The following SEC14L5 variants were observed in gnomAD, a reference collection of about 807,000 sequenced individuals.
SEC14L5 encodes the protein SEC14 like lipid binding 5.
Under a neutral mutation model 84.6 loss-of-function variants are expected in SEC14L5, and 96 were observed. That is an observed-to-expected ratio of 1.13 (90% CI 0.96 to 1.34). SEC14L5 has a LOEUF of 1.34. SEC14L5 is among the 40% of genes most tolerant of loss of function. SEC14L5 has a pLI of 0.00. For missense variants in SEC14L5, 1,224 were observed against 942.5 expected, an observed-to-expected ratio of 1.30 and a Z score of -3.91; for synonymous variants, 546 against 383.4, an observed-to-expected ratio of 1.42 and a Z score of -4.95.
chr16:4,981,282 T>G (rs1336894307), intron 2 of SEC14L5, among the ~76,000 whole-genome samples: 4 of 122,928 alleles, frequency 3.3e-5, no homozygotes, highest in African/African-American at 1.3e-4. Context: ...TTTTTTTTTT[T>G]TGTATTTTTA....
intron 10 of SEC14L5, among the ~76,000 whole-genome samples, chr16:5,002,388 C>T (rs574607242): frequency 1.3e-5 from 2 of 151,528 alleles, no homozygotes; most frequent in African/African-American, 4.8e-5. Context: ...CCTCCACCTC[C>T]TGGGTTCAAG....
intron 2 of SEC14L5, among the ~76,000 whole-genome samples, chr16:4,982,911 T>C (rs1452304337): frequency 6.6e-6 from 1 of 152,170 alleles, no homozygotes; most frequent in African/African-American, 2.4e-5. Context: ...AGCACATTAC[T>C]GAATATTTAC....
intron 2 of SEC14L5, among the ~76,000 whole-genome samples, chr16:4,968,304 C>T (rs915310828): frequency 3.3e-5 from 5 of 151,536 alleles, no homozygotes; most frequent in Non-Finnish European, 5.9e-5. Context: ...CTCAGCCTCC[C>T]GAGTAGCTGG....
intron 8 of SEC14L5, among the ~76,000 whole-genome samples, chr16:4,999,278 G>C (rs962077952): frequency 1.3e-5 from 2 of 152,122 alleles, no homozygotes; most frequent in Admixed American, 6.5e-5. Flanking sequence ...GTTCAATGCT[G>C]ACAGATCAGC....
In SEC14L5 at chr16:4,996,420, T is replaced by C. The variant is rs760061123; in HGVS notation, c.740T>C (p.Ile247Thr). Residue 247 changes from isoleucine to threonine, a missense_variant, in exon 7 of 16, where the codon ATC becomes ACC. Ile to Thr is a moderately conservative substitution (Grantham distance 89). Transcript: ENST00000251170. ...HLTPMQESCL[I>T]QLRHWLQETH... is the part of the protein sequence containing the mutation. ...ACGCCCATGCAGGAGAGCTGCCTGA[T>C]CCAGCTTCGGCACTGGTTACAGGAG... The C allele has an allele frequency of 3.0e-5, 47 of 1,573,844 alleles. No individual in the cohort carries two copies. The highest frequency in any genetic ancestry group is 3.9e-5 in the Non-Finnish European group (45 of 1,160,564).
rs1476937 is a variant in SEC14L5, at chr16:4,989,310, G to T, written c.345+1030G>T. Among the ~76,000 whole-genome samples the T allele has an allele frequency of 7.4e-3, 1,013 of 136,826 alleles. 11 individuals are homozygous for T. Among genetic ancestry groups the T allele is most frequent in the African/African-American group, 0.021 (774 of 37,524 alleles). 89.8% of individuals were successfully genotyped at this position (136,826 alleles called of 152,430 possible). Reference sequence around the variant, plus strand: ...GACCATTGTACGTGTTTTTTTTTTTGTTTGTTTGTTTGTTTTGTTTTTTTT... The same window carrying T: ...GACCATTGTACGTGTTTTTTTTTTTTTTTGTTTGTTTGTTTTGTTTTTTTT... On this transcript the variant is annotated intron_variant, in intron 4 of 15. Transcript: ENST00000251170.
chr16:5,001,296 T>C (rs984174066), intron 10 of SEC14L5, among the ~76,000 whole-genome samples: 1 of 150,866 alleles, frequency 6.6e-6, no homozygotes, highest in South Asian at 2.1e-4. Flanking sequence ...TCTCGCTCTG[T>C]CGCCCAGGCT....
intron 4 of SEC14L5, among the ~76,000 whole-genome samples, chr16:4,989,958 A>C (rs745918616): frequency 1.3e-5 from 2 of 152,140 alleles, no homozygotes; most frequent in Non-Finnish European, 2.9e-5. Context: ...GGATCCATAA[A>C]GGAGCTCTGC....
rs1000150945 is a variant in SEC14L5 at position 4,992,467 on chromosome 16, G to A, written c.667+437G>A. 2.6e-5 allele frequency among the ~76,000 whole-genome samples: 4 copies of A among 152,228 alleles called. No homozygotes were observed. In the East Asian group the frequency reaches 7.7e-4, roughly 29 times the overall value. The stretch of plus-strand genomic sequence containing the variant: ...GGGTTTCACCATGTTGGTCAGGCTG[G>A]TCTCAAACTCCTGAGCTCAAGTGAT... On this transcript the variant is annotated intron_variant, in intron 6 of 15. Transcript: ENST00000251170.
chr16:5,012,490 A>G (rs1955816856), intron 15 of SEC14L5, among the ~76,000 whole-genome samples: 1 of 152,186 alleles, frequency 6.6e-6, no homozygotes, highest in African/African-American at 2.4e-5. Flanking sequence ...TGGGGGGACC[A>G]CACAGATAGG....
At chr16:4,968,008 TC>T (rs1463731799) in intron 2 of SEC14L5, among the ~76,000 whole-genome samples, 3 of 126,816 alleles carry the variant, frequency 2.4e-5, no homozygotes, top group African/African-American at 8.8e-5. Flanking sequence ...TTTCTCCCTC[TC>T]TATTTTATTT....
chr16:4,962,423 C>G (rs564063792), intron 2 of SEC14L5, among the ~76,000 whole-genome samples: 76 of 152,206 alleles, frequency 5.0e-4, no homozygotes, highest in African/African-American at 1.7e-3. Context: ...TATGGTGGAT[C>G]ATGCCTGTAA....
chr16:5,014,971 C>A lies in SEC14L5; in HGVS notation c.*1C>A. Reference sequence around the variant, plus strand: ...TAGCAGCTCCCTGGTCTCCAGATAGCCGGGCCCAGTGTTTCAGGGCCGCCC... The same window carrying A: ...TAGCAGCTCCCTGGTCTCCAGATAGACGGGCCCAGTGTTTCAGGGCCGCCC... On this transcript the variant is annotated 3_prime_UTR_variant, in exon 16 of 16. Transcript: ENST00000251170. 6.2e-7 allele frequency: 1 copy of A among 1,607,520 alleles called. No individual in the cohort carries two copies. The highest frequency in any genetic ancestry group is 8.5e-7 in the Non-Finnish European group (1 of 1,178,134).
intron 2 of SEC14L5, among the ~76,000 whole-genome samples, chr16:4,981,490 G>A (rs915892142): frequency 1.2e-4 from 19 of 152,062 alleles, no homozygotes; most frequent in Non-Finnish European, 1.9e-4. Context: ...AGCAGTAGAA[G>A]GAAGGGGAGA....
chr16:5,012,449 G>A (rs1289011634), intron 15 of SEC14L5, among the ~76,000 whole-genome samples: 5 of 152,286 alleles, frequency 3.3e-5, no homozygotes, highest in East Asian at 1.9e-4. Context: ...TTTCCTGGTC[G>A]CCCTCAGGGG....
rs138751367 is a variant in SEC14L5, at chr16:4,968,491, T to C, written c.63+9105T>C. On this transcript the variant is annotated intron_variant, in intron 2 of 15. Coordinates refer to ENST00000251170, the MANE Select transcript of SEC14L5 (RefSeq NM_014692.2). The stretch of plus-strand genomic sequence containing the variant: ...ACGGCGCCCGGCCGCACCTGGCTAA[T>C]TTTAAAAAATATTTTTGTAGAGGTG... Among the ~76,000 whole-genome samples the C allele has an allele frequency of 6.6e-3, 1,000 of 152,302 alleles. 9 individuals carry two copies. The highest frequency in any genetic ancestry group is 0.014 in the Middle Eastern group (4 of 294).
Position 4,996,367 on chromosome 16 carries a change from C to A in SEC14L5, c.687C>A (p.Asp229Glu), listed in dbSNP as rs1596634024. ...VSMDGDKLDA[D>E]YIERCLGHLT... ...TCCAAGGGGACAAGCTGGATGCGGA[C>A]TACATTGAGAGGTGCCTGGGCCACC... Residue 229 changes from aspartate to glutamate, a missense_variant, in exon 7 of 16, where the codon GAC (aspartate) becomes GAA (glutamate). Physicochemically the swap from Asp to Glu is conservative, Grantham distance 45 (BLOSUM62 2). Transcript: ENST00000251170. The A allele has an allele frequency of 6.4e-7, 1 of 1,560,824 alleles. No homozygotes were observed. Among genetic ancestry groups the A allele is most frequent in the Middle Eastern group, 1.7e-4 (1 of 6,004 alleles).
intron 2 of SEC14L5, among the ~76,000 whole-genome samples, chr16:4,982,965 AT>A (rs1955441911): frequency 6.6e-6 from 1 of 152,186 alleles, no homozygotes. Context: ...ATATTCATAT[AT>A]AAAATAAACT....
intron 2 of SEC14L5, among the ~76,000 whole-genome samples, chr16:4,978,671 G>C (rs758508972): frequency 1.3e-5 from 2 of 151,594 alleles, no homozygotes; most frequent in Non-Finnish European, 2.9e-5. Context: ...GGTGCAATCT[G>C]GGCTCACTGC....
Sources: gnomAD v4.1 joint callset for allele counts (sites outside exome capture counted in the v4.1 genomes callset) on GRCh38, gnomAD v4.1.1 for gene constraint, MANE v1.5 for transcripts, NCBI Gene and HGNC (gene_info 2026-07-23, HGNC 2026-07-21) for gene names.